The following SLC28A3 variants were observed in gnomAD, a reference collection of about 807,000 sequenced individuals.
SLC28A3 encodes concentrative Na(+)-nucleoside cotransporter 3.
In SLC28A3, 68 loss-of-function variants were observed where a neutral mutation model predicts 84.2. The ratio of observed to expected loss-of-function variants is 0.81; its 90% CI spans 0.66 to 0.99. The LOEUF (loss-of-function observed/expected upper bound fraction) is 0.99. Among genes scored for constraint, SLC28A3 ranks in the 50% least tolerant of loss-of-function variants. SLC28A3 has a pLI of 0.00. For synonymous variants in SLC28A3, 267 were observed against 303.6 expected (o/e 0.88, Z 1.25); for missense variants, 712 against 841.5 (o/e 0.85, Z 1.90).
At chr9:84,293,577 C>A (rs1402203969) in intron 9 of SLC28A3, among the ~76,000 whole-genome samples, 2 of 152,168 alleles carry the variant, frequency 1.3e-5, no homozygotes, top group African/African-American at 2.4e-5. Context: ...TGTGGTGCAT[C>A]CAAATTAGCT....
chr9:84,341,280 C>T (rs1347530083), upstream of SLC28A3, among the ~76,000 whole-genome samples: 8 of 152,170 alleles, frequency 5.3e-5, no homozygotes, highest in African/African-American at 1.9e-4. Flanking sequence ...CAGAAAAGGA[C>T]ACGTTCTCTA....
At position 84,285,444 on chromosome 9, in the gene SLC28A3, G is replaced by C. The variant is rs759552210; in HGVS notation, c.1548C>G (p.Phe516Leu). Residue 516 changes from phenylalanine (F) to leucine (L), a missense_variant, in exon 14 of 18, where the codon TTC becomes TTG. By Grantham distance (22) the Phe-to-Leu change is conservative. Transcript: ENST00000376238. ...MVARLIGYKTFFNEFVAYEHL... is the reference protein window; with the variant it reads ...MVARLIGYKTLFNEFVAYEHL... ...GCTCATAAGCCACAAATTCATTGAA[G>C]AAGGTCTTATAACCTATGAGTCTGG... 2.5e-6 allele frequency: 4 copies of C among 1,614,070 alleles called. No individual in the cohort carries two copies. In the African/African-American group the frequency reaches 5.3e-5, roughly 22 times the overall value.
intron 3 of SLC28A3, among the ~76,000 whole-genome samples, chr9:84,306,415 T>C (rs895305607): frequency 6.6e-6 from 1 of 152,324 alleles, no homozygotes; most frequent in East Asian, 1.9e-4. Context: ...CAGCTCAAGC[T>C]TTTGACTTCT....
chr9:84,298,099 T>C, intron 6 of SLC28A3, 80 bp from the exon 7 acceptor site: 2 of 1,157,888 alleles, frequency 1.7e-6, no homozygotes, highest in South Asian at 2.6e-5. Flanking sequence ...GGATCACTAT[T>C]TCCTTGAACA....
intron 6 of SLC28A3, 75 bp from the exon 7 acceptor site, chr9:84,298,094 A>C (rs892571942): frequency 2.3e-5 from 28 of 1,226,534 alleles, no homozygotes; most frequent in Non-Finnish European, 3.3e-5. Flanking sequence ...CTAATGGATC[A>C]CTATTTCCTT....
At chr9:84,298,177 T>C (rs1415903204) in intron 6 of SLC28A3, among the ~76,000 whole-genome samples, 158 bp from the exon 7 acceptor site, 1 of 152,128 alleles carries the variant, frequency 6.6e-6, no homozygotes, top group African/African-American at 2.4e-5. Context: ...AGAGAACCCT[T>C]TGATAGAACC....
upstream of SLC28A3, among the ~76,000 whole-genome samples, chr9:84,341,378 A>T (rs1218939036): frequency 1.3e-5 from 2 of 152,112 alleles, no homozygotes; most frequent in Non-Finnish European, 2.9e-5. Context: ...AACACAGGAT[A>T]TAAGGTCATG....
intron 10 of SLC28A3, among the ~76,000 whole-genome samples, chr9:84,290,742 T>G (rs1235661229): frequency 6.6e-6 from 1 of 152,186 alleles, no homozygotes; most frequent in Admixed American, 6.5e-5. Context: ...ATGGGTGATT[T>G]CTAAGCCACT....
the SLC28A3 span, among the ~76,000 whole-genome samples, chr9:84,358,311 A>G: frequency 1.3e-5 from 2 of 152,146 alleles, no homozygotes; most frequent in African/African-American, 2.4e-5. Flanking sequence ...GATAGCCACA[A>G]CTGCTTGCAA....
At chr9:84,286,445 C>CTTTTTTTTT (rs71498094) in intron 12 of SLC28A3, among the ~76,000 whole-genome samples, 1 of 87,678 alleles carries the variant, frequency 1.1e-5, no homozygotes, top group African/African-American at 4.8e-5. Context: ...CCATGCTTGG[C>CTTTTTTTTT]TTTTTTTTTT....
chr9:84,352,364 T>C, the SLC28A3 span, among the ~76,000 whole-genome samples: 2 of 152,006 alleles, frequency 1.3e-5, no homozygotes, highest in East Asian at 3.9e-4. Flanking sequence ...TTTGTATTTT[T>C]AGTAGAGATG....
At chr9:84,328,561 C>T (rs988710240) in intron 1 of SLC28A3, among the ~76,000 whole-genome samples, 1 of 152,020 alleles carries the variant, frequency 6.6e-6, no homozygotes, top group African/African-American at 2.4e-5. Flanking sequence ...GAGTTTGAGA[C>T]CAGCCTGACC....
At chr9:84,332,701 TTTATC>T (rs1408707114) in intron 1 of SLC28A3, among the ~76,000 whole-genome samples, 1 of 152,144 alleles carries the variant, frequency 6.6e-6, no homozygotes, top group Non-Finnish European at 1.5e-5. Flanking sequence ...TAAAAACAAT[TTTATC>T]TTAATAAAGA....
At chr9:84,363,422 T>G in the SLC28A3 span, among the ~76,000 whole-genome samples, 1 of 152,224 alleles carries the variant, frequency 6.6e-6, no homozygotes, top group Non-Finnish European at 1.5e-5. Flanking sequence ...AAGATTCCTC[T>G]TTACTGGACT....
At chr9:84,331,625 G>A (rs189582351) in intron 1 of SLC28A3, among the ~76,000 whole-genome samples, 17 of 152,254 alleles carry the variant, frequency 1.1e-4, no homozygotes, top group Admixed American at 7.2e-4. Context: ...CAAGACTTTC[G>A]TAAGTGAGTT....
At chr9:84,286,768 G>A (rs1049930934) in intron 12 of SLC28A3, among the ~76,000 whole-genome samples, 2 of 152,060 alleles carry the variant, frequency 1.3e-5, no homozygotes, top group South Asian at 2.1e-4. Flanking sequence ...TAAAAATGGA[G>A]TGCCACCATC....
rs75984623 is a variant in SLC28A3, at chr9:84,288,152, C to T, written c.1176G>A (p.Ala392=). The T allele has an allele frequency of 2.1e-3, 3,362 of 1,614,006 alleles. 60 individuals carry two copies. The African/African-American group carries it at 0.039, about 19-fold the overall frequency. Residue 392 remains alanine, a synonymous_variant, in exon 12 of 18, where the codon GCG becomes GCA. Coordinates refer to ENST00000376238, the MANE Select transcript of SLC28A3 (RefSeq NM_001199633.2). ...FGVPSSHLLT[A]SVMSAPASLA... ...ATGACGCAGGTGCTGACATAACTGA[C>T]GCTGTTAACAAGTGGGAGGATGGAA...
In SLC28A3 at chr9:84,297,918, G is replaced by T. The variant is rs2118252960; in HGVS notation, c.771C>A (p.Gly257=). The change falls in exon 7 of 18, where the codon GGC becomes GGA. Residue 257 remains glycine, a synonymous_variant. Transcript: ENST00000376238. ...GAACCAAACTTACCTGAACTTGTCT[G>T]CCCAACCAATCAAAAGCTATAAATC... ...DPGFIAFDWL[G]RQVQTFLEYT... The T allele has an allele frequency of 6.2e-7, 1 of 1,603,040 alleles. No homozygotes were observed. Among genetic ancestry groups the T allele is most frequent in the Non-Finnish European group, 8.5e-7 (1 of 1,177,686 alleles).
intron 6 of SLC28A3, among the ~76,000 whole-genome samples, chr9:84,298,868 A>G (rs999080830): frequency 2.6e-5 from 4 of 152,208 alleles, no homozygotes; most frequent in African/African-American, 9.6e-5. Context: ...GGAATGGACG[A>G]TCATTTGCTT....
Sources: allele counts gnomAD v4.1 joint callset (sites outside exome capture counted in the v4.1 genomes callset), GRCh38; gene constraint gnomAD v4.1.1; transcripts MANE v1.5; gene names NCBI Gene and HGNC (gene_info 2026-07-23, HGNC 2026-07-21).